The following CALN1 variants were observed in gnomAD, a reference collection of about 807,000 sequenced individuals.
The protein encoded by CALN1 is calcium-binding protein 8.
A neutral mutation model predicts 30.6 loss-of-function variants in CALN1; 17 were observed. The ratio of observed to expected loss-of-function variants is 0.56; its 90% CI spans 0.38 to 0.83. The LOEUF (loss-of-function observed/expected upper bound fraction) is 0.83, where lower values mean the gene tolerates loss of function less well. CALN1 is among the 40% of genes least tolerant of loss of function. CALN1 has a pLI of 0.00. For synonymous variants in CALN1, 156 were observed against 131.4 expected, an observed-to-expected ratio of 1.19 and a Z score of -1.28; for missense variants, 291 against 354.9, an observed-to-expected ratio of 0.82 and a Z score of 1.45.
At chr7:72,228,819 T>G (rs1189658861) in intron 3 of CALN1, among the ~76,000 whole-genome samples, 1 of 151,666 alleles carries the variant, frequency 6.6e-6, no homozygotes, top group Admixed American at 6.6e-5. Flanking sequence ...TGGAGTGCAC[T>G]GATGCAATCA....
chr7:72,344,162 T>G (rs1051853829), intron 2 of CALN1, among the ~76,000 whole-genome samples: 2 of 152,106 alleles, frequency 1.3e-5, no homozygotes, highest in African/African-American at 4.8e-5. Flanking sequence ...CGGGCCTGTC[T>G]GCAGCTACTC....
chr7:71,922,990 C>G (rs1197401481), intron 5 of CALN1, among the ~76,000 whole-genome samples: 1 of 147,638 alleles, frequency 6.8e-6, no homozygotes. Context: ...CTCTATGTAT[C>G]TATCTAACTA....
chr7:71,861,137 C>A (rs1166853251), intron 5 of CALN1, among the ~76,000 whole-genome samples: 1 of 151,828 alleles, frequency 6.6e-6, no homozygotes. Context: ...CCCTGAATGC[C>A]ATTTTGCATG....
At chr7:72,215,697 C>T (rs992460252) in intron 3 of CALN1, among the ~76,000 whole-genome samples, 2 of 152,046 alleles carry the variant, frequency 1.3e-5, no homozygotes, top group African/African-American at 2.4e-5. Context: ...AAAGACAGCT[C>T]CACACGGAGC....
At chr7:72,368,241 A>C (rs1281006667) in intron 2 of CALN1, among the ~76,000 whole-genome samples, 5 of 150,374 alleles carry the variant, frequency 3.3e-5, no homozygotes, top group Non-Finnish European at 7.4e-5. Context: ...TATATCTAGG[A>C]TGCTAGTAAT....
chr7:72,268,493 G>A (rs1247407339), intron 3 of CALN1, among the ~76,000 whole-genome samples: 2 of 152,222 alleles, frequency 1.3e-5, no homozygotes, highest in South Asian at 4.1e-4. Context: ...CTAATTCAGG[G>A]AAACAAAATA....
intron 5 of CALN1, among the ~76,000 whole-genome samples, chr7:71,939,427 G>A (rs992372717): frequency 2.0e-5 from 3 of 147,932 alleles, no homozygotes; most frequent in Non-Finnish European, 3.0e-5. Context: ...AAAAAAGTTG[G>A]CCAGGCATGG....
intron 4 of CALN1, among the ~76,000 whole-genome samples, chr7:72,061,022 C>T (rs568716451): frequency 2.6e-5 from 4 of 152,298 alleles, no homozygotes; most frequent in South Asian, 2.1e-4. Context: ...GAATGGCCAA[C>T]GGGTGGAGCA....
intron 4 of CALN1, among the ~76,000 whole-genome samples, chr7:72,083,021 C>A (rs548465930): frequency 6.6e-6 from 1 of 151,894 alleles, no homozygotes; most frequent in African/African-American, 2.4e-5. Context: ...GCCAACTTGG[C>A]GAAACCCTGT....
chr7:72,415,570 G>C (rs1807396057), upstream of CALN1, among the ~76,000 whole-genome samples: 1 of 152,160 alleles, frequency 6.6e-6, no homozygotes, highest in African/African-American at 2.4e-5. Context: ...AAACACTTTG[G>C]GAGAAAACCA....
intron 2 of CALN1, chr7:72,336,841 A>G: frequency 2.0e-6 from 2 of 983,438 alleles, no homozygotes; most frequent in Non-Finnish European, 2.4e-6. Context: ...TCTCGCTCAC[A>G]CCCCCAGCAG....
chr7:72,398,254 T>A (rs1806110414), intron 2 of CALN1, among the ~76,000 whole-genome samples: 1 of 152,186 alleles, frequency 6.6e-6, no homozygotes, highest in Non-Finnish European at 1.5e-5. Flanking sequence ...CAAGGAAGTT[T>A]ACAGGTCTTG....
At chr7:72,375,326 G>T (rs753740062) in intron 2 of CALN1, among the ~76,000 whole-genome samples, 3 of 152,034 alleles carry the variant, frequency 2.0e-5, no homozygotes, top group Non-Finnish European at 2.9e-5. Flanking sequence ...ACTTTGGGAG[G>T]CCAAAGCAGG....
intron 5 of CALN1, among the ~76,000 whole-genome samples, chr7:71,963,301 T>A (rs1383385164): frequency 6.6e-6 from 1 of 152,130 alleles, no homozygotes; most frequent in Non-Finnish European, 1.5e-5. Context: ...TAGCTGGGAT[T>A]ACAGGTGCAC....
upstream of CALN1, among the ~76,000 whole-genome samples, chr7:72,449,564 T>C (rs939454611): frequency 8.6e-5 from 13 of 151,900 alleles, no homozygotes; most frequent in African/African-American, 3.1e-4. Flanking sequence ...GGCCGGAAAA[T>C]CTTTGTCAGC....
chr7:72,146,773 A>G (rs1786777971), intron 3 of CALN1, among the ~76,000 whole-genome samples: 1 of 152,238 alleles, frequency 6.6e-6, no homozygotes, highest in Non-Finnish European at 1.5e-5. Context: ...AAACAAAGCT[A>G]TAGACCAATG....
chr7:71,936,828 G>A (rs891507600), intron 5 of CALN1, among the ~76,000 whole-genome samples: 27 of 152,184 alleles, frequency 1.8e-4, no homozygotes, highest in African/African-American at 4.8e-4. Context: ...TTTGAACCAT[G>A]GAGGCAGTTT....
At chr7:72,380,183 C>T (rs1804801390) in intron 2 of CALN1, among the ~76,000 whole-genome samples, 1 of 152,162 alleles carries the variant, frequency 6.6e-6, no homozygotes, top group Non-Finnish European at 1.5e-5. Flanking sequence ...GGTTCCACAG[C>T]CCCATGCCAG....
chr7:72,136,218 CCTT>C (rs1470420305), intron 3 of CALN1, among the ~76,000 whole-genome samples: 1 of 151,936 alleles, frequency 6.6e-6, no homozygotes, highest in Non-Finnish European at 1.5e-5. Flanking sequence ...AGTGTAGCCA[CCTT>C]CATCAATTTT....
Sources: gnomAD v4.1 joint callset for allele counts (sites outside exome capture counted in the v4.1 genomes callset) on GRCh38, gnomAD v4.1.1 for gene constraint, MANE v1.5 for transcripts, NCBI Gene and HGNC (gene_info 2026-07-23, HGNC 2026-07-21) for gene names.